Variants in NELL2 observed in about 807,000 individuals in gnomAD.
NELL2 encodes neural EGFL like 2, also known as protein kinase C-binding protein NELL2.
NELL2 carries 41 observed loss-of-function variants against 109.6 expected under a neutral mutation model. The ratio of observed to expected loss-of-function variants is 0.37; its 90% CI spans 0.29 to 0.49. The LOEUF (loss-of-function observed/expected upper bound fraction) is 0.49. Ranked by LOEUF, NELL2 falls within the 20% of genes least tolerant of loss-of-function variation. The pLI is 0.98. For synonymous variants in NELL2, 355 were observed against 344.7 expected, an observed-to-expected ratio of 1.03 and a Z score of -0.33; for missense variants, 900 against 1,008.3, an observed-to-expected ratio of 0.89 and a Z score of 1.45.
chr12:44,641,121 A>G (rs1946839904), intron 13 of NELL2, among the ~76,000 whole-genome samples: 1 of 152,204 alleles, frequency 6.6e-6, no homozygotes, highest in Admixed American at 6.5e-5. Context: ...AAGAAAACAC[A>G]TCTGAAAAAT....
chr12:44,718,257 G>A (rs924360082), intron 9 of NELL2, among the ~76,000 whole-genome samples: 46 of 152,130 alleles, frequency 3.0e-4, no homozygotes, highest in Admixed American at 3.0e-3. Flanking sequence ...CAGGTATCAG[G>A]TGCAAATTCT....
intron 8 of NELL2, among the ~76,000 whole-genome samples, chr12:44,775,381 T>C (rs1281587487): frequency 6.6e-6 from 1 of 151,948 alleles, no homozygotes; most frequent in Non-Finnish European, 1.5e-5. Flanking sequence ...ATGTCTGACT[T>C]CTTTCCAGAA....
At position 44,523,465 on chromosome 12, in the gene NELL2, G is replaced by A. The variant is rs1212208453; in HGVS notation, c.1824C>T (p.Thr608=). Residue 608 remains threonine (T), a synonymous_variant, in exon 17 of 20, where the codon ACC becomes ACT. Transcript: ENST00000429094. Reference sequence around the variant, plus strand: ...TATCATTGGCACAGCTGTGCCTCCCGGTCCCACACTCATCAATATCTATAG... The same window carrying A: ...TATCATTGGCACAGCTGTGCCTCCCAGTCCCACACTCATCAATATCTATAG... The part of the protein sequence containing the change: ...ESCEDIDECG[T]GRHSCANDTI... 8.7e-6 allele frequency: 14 copies of A among 1,613,512 alleles called. No individual in the cohort carries two copies. In the Admixed American group the frequency reaches 1.2e-4, roughly 13 times the overall value.
intron 19 of NELL2, among the ~76,000 whole-genome samples, chr12:44,515,424 G>GTA (rs1941218351): frequency 6.6e-6 from 1 of 151,874 alleles, no homozygotes; most frequent in Non-Finnish European, 1.5e-5. Flanking sequence ...TACAAGCTGT[G>GTA]TAATTCAATT....
intron 15 of NELL2, among the ~76,000 whole-genome samples, chr12:44,563,007 TC>T (rs1314113740): frequency 6.6e-6 from 1 of 152,202 alleles, no homozygotes; most frequent in East Asian, 1.9e-4. Context: ...TGAGTTCCTG[TC>T]CTTTGCAGGG....
At position 44,894,515 on chromosome 12, in the gene NELL2, A is replaced by C. The variant is rs139776229; in HGVS notation, c.39-18615T>G. Among the ~76,000 whole-genome samples the C allele has an allele frequency of 2.2e-3, 336 of 152,318 alleles. 3 individuals carry two copies. Among genetic ancestry groups the C allele is most frequent in the African/African-American group, 7.6e-3 (316 of 41,588 alleles). ...CTACAACAATTTATTCTGTAAAGTC[A>C]TGATTACGTTTATATTATCTTTCAA... On this transcript the variant is annotated intron_variant, in intron 1 of 20. Coordinates refer to the NELL2 transcript ENST00000333837.
chr12:44,548,249 C>T (rs1458768457), intron 15 of NELL2, among the ~76,000 whole-genome samples: 4 of 152,100 alleles, frequency 2.6e-5, no homozygotes, highest in Non-Finnish European at 5.9e-5. Context: ...TATTGTATTT[C>T]TTCAAAGGAA....
At chr12:44,757,815 GA>G (rs1299987785) in intron 9 of NELL2, among the ~76,000 whole-genome samples, 2 of 151,984 alleles carry the variant, frequency 1.3e-5, no homozygotes, top group East Asian at 3.9e-4. Context: ...CAGTAAATGT[GA>G]AAGACTTTGA....
intron 13 of NELL2, among the ~76,000 whole-genome samples, chr12:44,625,998 C>T (rs1304296572): frequency 6.6e-6 from 1 of 151,930 alleles, no homozygotes; most frequent in Non-Finnish European, 1.5e-5. Flanking sequence ...TCAGAAGAAG[C>T]TCAATTTTAA....
In NELL2 at chr12:44,745,124, C is replaced by T. The variant is rs140842764; in HGVS notation, c.994+29623G>A. 3.7e-3 allele frequency among the ~76,000 whole-genome samples: 562 copies of T among 152,286 alleles called. 4 individuals carry two copies. Among genetic ancestry groups the T allele is most frequent in the African/African-American group, 0.013 (533 of 41,536 alleles). ...TCCACCATAATCGAGTGGGCTTCAT[C>T]CCTGGGATGCAAGGCTGGTTCAACA... On this transcript the variant is annotated intron_variant, in intron 9 of 19. Coordinates refer to ENST00000429094, the MANE Select transcript of NELL2 (RefSeq NM_001145108.2).
At chr12:44,530,514 C>G (rs1592075364) in intron 16 of NELL2, among the ~76,000 whole-genome samples, 1 of 152,224 alleles carries the variant, frequency 6.6e-6, no homozygotes, top group East Asian at 1.9e-4. Flanking sequence ...GTATTCAAGC[C>G]CTTGTGCAAT....
At chr12:44,757,682 T>A (rs1940947800) in intron 9 of NELL2, among the ~76,000 whole-genome samples, 2 of 152,172 alleles carry the variant, frequency 1.3e-5, no homozygotes, top group Non-Finnish European at 2.9e-5. Flanking sequence ...AATAATATGG[T>A]AATAGGTGCC....
At chr12:44,729,000 G>GA (rs1939224300) in intron 9 of NELL2, among the ~76,000 whole-genome samples, 1 of 151,858 alleles carries the variant, frequency 6.6e-6, no homozygotes, top group South Asian at 2.1e-4. Flanking sequence ...AAGTTGAAAT[G>GA]AAAAAAATAC....
chr12:44,707,122 C>A (rs1174588647), intron 11 of NELL2, among the ~76,000 whole-genome samples: 1 of 152,152 alleles, frequency 6.6e-6, no homozygotes, highest in Non-Finnish European at 1.5e-5. Flanking sequence ...TTATCACTCA[C>A]CCCTACTTTC....
intron 3 of NELL2, among the ~76,000 whole-genome samples, chr12:44,803,150 T>C (rs1349101724): frequency 6.6e-6 from 1 of 151,968 alleles, no homozygotes; most frequent in Non-Finnish European, 1.5e-5. Flanking sequence ...AGACCCAGGG[T>C]GAGGCCCTAC....
At chr12:44,732,143 T>C (rs983963602) in intron 9 of NELL2, among the ~76,000 whole-genome samples, 2 of 151,910 alleles carry the variant, frequency 1.3e-5, no homozygotes, top group African/African-American at 4.8e-5. Flanking sequence ...ATTTGTACTA[T>C]CCAAAACAAT....
In NELL2 at chr12:44,774,828, T is replaced by G. The variant is rs755999643; in HGVS notation, c.913A>C (p.Thr305Pro). The G allele has an allele frequency of 2.5e-6, 4 of 1,613,600 alleles. No homozygotes were observed. In the South Asian group the frequency reaches 4.4e-5, roughly 18 times the overall value. ...CAGTCAGGATTTGGGCAGATTAGAG[T>G]TTCACACTGGATGGTTCCATTCTGA... is the stretch of plus-strand genomic sequence containing the variant. ...TCLNGTIQCETLICPNPDCPL... is the reference protein window; with the variant it reads ...TCLNGTIQCEPLICPNPDCPL... Residue 305 changes from threonine to proline, a missense_variant, in exon 9 of 20, where the codon ACT (threonine) becomes CCT (proline). Thr to Pro is a conservative substitution (Grantham distance 38, BLOSUM62 -1). This residue lies in a region of NELL2 where 292 missense variants were observed against 265.3 expected (regional missense o/e 1.10). Transcript: ENST00000429094.
chr12:44,547,350 T>C lies in NELL2; in HGVS notation c.1664-14629A>G, dbSNP rs186701749. 3.3e-5 allele frequency among the ~76,000 whole-genome samples: 5 copies of C among 152,362 alleles called. No individual in the cohort carries two copies. The East Asian group carries it at 9.6e-4, about 29-fold the overall frequency. ...AATAAATTATAGCACGTGCATAAAA[T>C]GGAATGCTATACAGCTTCTTAAAAT... On this transcript the variant is annotated intron_variant, in intron 15 of 19. Transcript: ENST00000429094.
rs1555190872 is a variant in NELL2 at position 44,644,604 on chromosome 12, G to GTATATATATATATA, written c.1444+20879_1444+20880insTATATATATATATA. Among the ~76,000 whole-genome samples the GTATATATATATATA allele has an allele frequency of 3.2e-3, 260 of 81,070 alleles. 1 individual carries two copies. Among genetic ancestry groups the GTATATATATATATA allele is most frequent in the Non-Finnish European group, 4.7e-3 (211 of 44,880 alleles). 53.2% of individuals were successfully genotyped at this position (81,070 alleles called of 152,430 possible). ...AGTATATATATATATATATATATAT[G>GTATATATATATATA]TATGTATATATATATATATATACAT... On this transcript the variant is annotated intron_variant, in intron 13 of 19. Transcript: ENST00000429094.
Sources: gnomAD v4.1 joint callset for allele counts (sites outside exome capture counted in the v4.1 genomes callset) on GRCh38, gnomAD v4.1.1 for gene constraint, gnomAD v4.1.1 regional missense constraint, MANE v1.5 for transcripts, NCBI Gene and HGNC (gene_info 2026-07-23, HGNC 2026-07-21) for gene names.